The following JAK2 variants were observed in gnomAD, a reference collection of about 807,000 sequenced individuals.
JAK2 encodes Janus kinase 2.
A neutral mutation model predicts 139.3 loss-of-function variants in JAK2; 86 were observed. The observed-to-expected ratio is 0.62, with a 90% CI of 0.52 to 0.74. The LOEUF (loss-of-function observed/expected upper bound fraction) is 0.74, where lower values mean the gene tolerates loss of function less well. JAK2 is among the 30% of genes least tolerant of loss of function. JAK2 has a pLI of 0.00. For missense variants in JAK2, 1,421 were observed against 1,360.3 expected, an observed-to-expected ratio of 1.04 and a Z score of -0.70; for synonymous variants, 490 against 437.7, an observed-to-expected ratio of 1.12 and a Z score of -1.49.
At chr9:5,116,879 G>A (rs977362836) in intron 22 of JAK2, among the ~76,000 whole-genome samples, 4 of 152,200 alleles carry the variant, frequency 2.6e-5, no homozygotes, top group Non-Finnish European at 5.9e-5. Context: ...TGCAATAAGT[G>A]TAAGTGCAAT....
intron 2 of JAK2, among the ~76,000 whole-genome samples, chr9:5,006,027 G>A (rs1197337571): frequency 6.6e-6 from 1 of 152,168 alleles, no homozygotes; most frequent in Non-Finnish European, 1.5e-5. Context: ...CCAATTCTGT[G>A]AAGAAAGTCA....
At chr9:5,087,551 A>G (rs1424829405) in intron 19 of JAK2, among the ~76,000 whole-genome samples, 1 of 152,232 alleles carries the variant, frequency 6.6e-6, no homozygotes, top group Non-Finnish European at 1.5e-5. Flanking sequence ...TTTTCGCTGT[A>G]TTTTTCTTCA....
At chr9:4,992,515 C>A (rs1820314045) in intron 2 of JAK2, among the ~76,000 whole-genome samples, 1 of 152,086 alleles carries the variant, frequency 6.6e-6, no homozygotes, top group Non-Finnish European at 1.5e-5. Flanking sequence ...CATAGTTTGC[C>A]ATTTTGCCAA....
intron 22 of JAK2, among the ~76,000 whole-genome samples, chr9:5,120,670 TGAA>T: frequency 6.6e-6 from 1 of 152,150 alleles, no homozygotes; most frequent in African/African-American, 2.4e-5. Flanking sequence ...TCACCTTGTG[TGAA>T]GACCTCTGTG....
intron 4 of JAK2, among the ~76,000 whole-genome samples, chr9:5,036,214 A>G (rs113582584): frequency 2.6e-5 from 4 of 152,284 alleles, no homozygotes; most frequent in African/African-American, 7.2e-5. Context: ...CCACTGCTCA[A>G]TGAAGTAAAA....
intron 22 of JAK2, among the ~76,000 whole-genome samples, chr9:5,107,121 A>T (rs1272198023): frequency 1.3e-5 from 2 of 152,078 alleles, no homozygotes; most frequent in African/African-American, 4.8e-5. Context: ...TAGTATGACT[A>T]TTCTTATATG....
chr9:5,128,319 C>T lies in JAK2; in HGVS notation c.*1528C>T, dbSNP rs1046677845. On this transcript the variant is annotated 3_prime_UTR_variant, in exon 25 of 25. Transcript: ENST00000381652. The stretch of plus-strand genomic sequence containing the variant: ...GCATTTTTAAAGCATTTTAATAGTT[C>T]TGGATGCAGAAATCATCTAAAATGA... 10 of 222,612 alleles carry T rather than the reference C, an allele frequency of 4.5e-5. No individual in the cohort carries two copies. The highest frequency in any genetic ancestry group is 1.4e-3 in the Middle Eastern group (1 of 726). 13.8% of individuals were successfully genotyped at this position (222,612 alleles called of 1,614,324 possible).
intron 19 of JAK2, among the ~76,000 whole-genome samples, chr9:5,083,933 G>T (rs528710517): frequency 6.6e-6 from 1 of 151,846 alleles, no homozygotes; most frequent in Admixed American, 6.6e-5. Flanking sequence ...TCTATATCTT[G>T]CTATTTTTCA....
rs1482614239 is a variant in JAK2, at chr9:5,114,591, G to A, written c.3060-8413G>A. On this transcript the variant is annotated intron_variant, in intron 22 of 24. Transcript: ENST00000381652. Reference sequence around the variant, plus strand: ...GAACTTCTGGCCCAAGGACATCTTGGTGCAGTGGCTGTACAACGAGGTGCA... The same window carrying A: ...GAACTTCTGGCCCAAGGACATCTTGATGCAGTGGCTGTACAACGAGGTGCA... The A allele has an allele frequency of 8.1e-6, 4 of 491,340 alleles. No homozygotes were observed. In the Admixed American group the frequency reaches 9.2e-5, roughly 11 times the overall value. The allele number at this position is 491,340 out of a possible 1,614,324, so 30.4% of individuals were successfully genotyped here.
intron 22 of JAK2, chr9:5,114,274 C>G (rs532293639): frequency 1.8e-6 from 1 of 544,690 alleles, no homozygotes; most frequent in African/African-American, 1.9e-5. Flanking sequence ...GACCTGGCAC[C>G]CAGCAAGGAG....
At chr9:4,996,423 G>A (rs1443932955) in intron 2 of JAK2, among the ~76,000 whole-genome samples, 1 of 151,592 alleles carries the variant, frequency 6.6e-6, no homozygotes, top group Non-Finnish European at 1.5e-5. Flanking sequence ...ACTCTAGCCT[G>A]GGCAACAAGA....
At chr9:5,100,702 GA>G (rs1276083866) in intron 22 of JAK2, 1 of 152,188 alleles carries the variant, frequency 6.6e-6, no homozygotes, top group African/African-American at 2.4e-5. Flanking sequence ...GAAGGAAATC[GA>G]AAGCAAATAA....
intron 19 of JAK2, among the ~76,000 whole-genome samples, chr9:5,084,700 T>C (rs1169561921): frequency 6.6e-6 from 1 of 152,214 alleles, no homozygotes; most frequent in Non-Finnish European, 1.5e-5. Context: ...AATTTTAACA[T>C]GGATTATTTG....
At chr9:5,060,292 A>T (rs1398328722) in intron 8 of JAK2, among the ~76,000 whole-genome samples, 1 of 152,178 alleles carries the variant, frequency 6.6e-6, no homozygotes, top group Non-Finnish European at 1.5e-5. Context: ...CAATTTCTTA[A>T]GATAACAATG....
intron 2 of JAK2, among the ~76,000 whole-genome samples, chr9:4,989,207 T>G (rs1439558890): frequency 6.6e-6 from 1 of 152,352 alleles, no homozygotes; most frequent in African/African-American, 2.4e-5. Flanking sequence ...TCTCTAGTCC[T>G]TAAGCTTGTA....
intron 18 of JAK2, 115 bp downstream of exon 18, chr9:5,080,798 C>A (rs367624186): frequency 4.6e-6 from 3 of 659,118 alleles, no homozygotes; most frequent in African/African-American, 1.9e-5. Context: ...TTTGGGCCCT[C>A]TTAATTTCTT....
At chr9:5,104,881 A>G (rs565476017) in intron 22 of JAK2, among the ~76,000 whole-genome samples, 9 of 152,344 alleles carry the variant, frequency 5.9e-5, no homozygotes, top group African/African-American at 2.2e-4. Context: ...AAAACTCTCA[A>G]TAAACTAGGT....
Position 5,123,122 on chromosome 9 carries a change from G to C in JAK2, c.3177+1G>C. 6.4e-7 allele frequency: 1 copy of C among 1,560,834 alleles called. No homozygotes were observed. Among genetic ancestry groups the C allele is most frequent in the Non-Finnish European group, 8.7e-7 (1 of 1,144,274 alleles). The stretch of plus-strand genomic sequence containing the variant: ...TGAGAAGAGTAAAAGTCCACCAGCG[G>C]TCAGTGTGCTTTTTATTTACTTTCA... On this transcript the variant is annotated splice_donor_variant, in intron 23 of 24. Coordinates refer to ENST00000381652, the MANE Select transcript of JAK2 (RefSeq NM_004972.4). LOFTEE classifies it high-confidence loss of function.
intron 12 of JAK2, among the ~76,000 whole-genome samples, chr9:5,070,254 T>A (rs552878551): frequency 2.6e-5 from 4 of 152,300 alleles, no homozygotes; most frequent in Non-Finnish European, 5.9e-5. Context: ...AAGAATGGAA[T>A]CTTAATTTTC....
Sources: gnomAD v4.1 joint callset for allele counts (sites outside exome capture counted in the v4.1 genomes callset) on GRCh38, gnomAD v4.1.1 for gene constraint, MANE v1.5 for transcripts, NCBI Gene and HGNC (gene_info 2026-07-23, HGNC 2026-07-21) for gene names.